RASGRP3: variants seen among roughly 807,000 people sequenced by gnomAD.
The protein encoded by RASGRP3 is ras guanyl-releasing protein 3.
Under a neutral mutation model 82.7 loss-of-function variants are expected in RASGRP3, and 54 were observed. The ratio of observed to expected loss-of-function variants is 0.65; its 90% CI spans 0.52 to 0.82. RASGRP3 has a LOEUF of 0.82. RASGRP3 is among the 40% of genes least tolerant of loss of function. The pLI is 0.00. For synonymous variants in RASGRP3, 309 were observed against 300.5 expected (o/e 1.03, Z -0.29); for missense variants, 861 against 828.9 (o/e 1.04, Z -0.48).
At chr2:33,488,814 C>T (rs1169249570) in intron 1 of RASGRP3, among the ~76,000 whole-genome samples, 2 of 152,170 alleles carry the variant, frequency 1.3e-5, no homozygotes, top group East Asian at 3.8e-4. Flanking sequence ...GTCTAAAAGA[C>T]ATGTTCATTC....
intron 1 of RASGRP3, among the ~76,000 whole-genome samples, chr2:33,488,481 A>C (rs1668583454): frequency 6.6e-6 from 1 of 152,246 alleles, no homozygotes; most frequent in Admixed American, 6.5e-5. Context: ...AATGGGACCA[A>C]GTAGCTGGGC....
At chr2:33,538,963 C>T (rs2151066990) in intron 11 of RASGRP3, 131 bp from the exon 12 acceptor site, 1 of 632,582 alleles carries the variant, frequency 1.6e-6, no homozygotes, top group African/African-American at 1.8e-5. Context: ...GGCTTGAGCC[C>T]AGGAGGCAGA....
chr2:33,549,471 G>C, intron 13 of RASGRP3, 133 bp from the exon 14 acceptor site: 1 of 836,862 alleles, frequency 1.2e-6, no homozygotes, highest in Non-Finnish European at 1.8e-6. Flanking sequence ...CCTTCTCTGA[G>C]ATGTAATAGA....
At position 33,558,721 on chromosome 2, in the gene RASGRP3, T is replaced by C; in HGVS notation, c.1755T>C (p.Asp585=). The C allele has an allele frequency of 1.2e-6, 2 of 1,613,632 alleles. No individual in the cohort carries two copies. Among genetic ancestry groups the C allele is most frequent in the South Asian group, 2.2e-5 (2 of 91,008 alleles). Residue 585 remains aspartate, a synonymous_variant, in exon 17 of 18, where the codon GAT becomes GAC. Transcript: ENST00000403687. ...CTGGAGTCACTGCTGGACACAGGGA[T>C]TTAGACAGCAGAGCCATCACACTGG... The part of the protein sequence containing the change: ...EFPGVTAGHR[D]LDSRAITLVT...
In RASGRP3 at chr2:33,497,399, C is replaced by T. The variant is rs189963696; in HGVS notation, c.-260-14311C>T. Among the ~76,000 whole-genome samples the T allele has an allele frequency of 1.9e-3, 289 of 152,288 alleles. 1 individual carries two copies. Among genetic ancestry groups the T allele is most frequent in the African/African-American group, 6.8e-3 (281 of 41,564 alleles). Reference sequence around the variant, plus strand: ...TTACCACAGAAGCTGATGAGGTTCTCTTTTTAATTTTAGTCCCAGCTTGGT... The same window carrying T: ...TTACCACAGAAGCTGATGAGGTTCTTTTTTTAATTTTAGTCCCAGCTTGGT... On this transcript the variant is annotated intron_variant, in intron 1 of 17. Transcript: ENST00000403687.
At chr2:33,562,334 C>T (rs556537232) in intron 17 of RASGRP3, among the ~76,000 whole-genome samples, 1 of 149,364 alleles carries the variant, frequency 6.7e-6, no homozygotes, top group South Asian at 2.1e-4. Context: ...GTGGTACAGT[C>T]ATAGCTCACC....
chr2:33,448,797 A>G (rs1017136210), intron 2 of RASGRP3, among the ~76,000 whole-genome samples: 1 of 152,202 alleles, frequency 6.6e-6, no homozygotes, highest in Non-Finnish European at 1.5e-5. Context: ...ACACGTAAAA[A>G]TGGTCAAAAT....
chr2:33,486,266 C>T (rs137861798), intron 1 of RASGRP3, among the ~76,000 whole-genome samples: 195 of 151,632 alleles, frequency 1.3e-3, no homozygotes, highest in African/African-American at 4.4e-3. Flanking sequence ...CTAGTTCAAG[C>T]GATTCTCCTG....
chr2:33,462,362 G>C (rs11887447), intron 2 of RASGRP3, among the ~76,000 whole-genome samples: 2 of 148,950 alleles, frequency 1.3e-5, no homozygotes, highest in Non-Finnish European at 3.0e-5. Flanking sequence ...AGAGGATGTA[G>C]AGGTTTTTTT....
At chr2:33,553,401 G>A (rs1675568259) in intron 14 of RASGRP3, among the ~76,000 whole-genome samples, 1 of 152,114 alleles carries the variant, frequency 6.6e-6, no homozygotes, top group Non-Finnish European at 1.5e-5. Flanking sequence ...TATGTATAAA[G>A]AGCCTAACTG....
At chr2:33,503,513 G>A (rs1670075331) in intron 1 of RASGRP3, among the ~76,000 whole-genome samples, 1 of 152,086 alleles carries the variant, frequency 6.6e-6, no homozygotes, top group Non-Finnish European at 1.5e-5. Flanking sequence ...GAATGACAAA[G>A]TTATTAAGTG....
intron 2 of RASGRP3, among the ~76,000 whole-genome samples, chr2:33,470,756 C>T (rs6714571): frequency 0.59 from 89,679 of 151,812 alleles, 27,124 homozygotes; most frequent in African/African-American, 0.63. Flanking sequence ...ATAATTGTTC[C>T]GTGGCCAGAA....
chr2:33,533,029 A>T (rs546395256), intron 10 of RASGRP3: 1 of 152,132 alleles, frequency 6.6e-6, no homozygotes, highest in South Asian at 2.1e-4. Flanking sequence ...CCTCATACAC[A>T]TGTTAGATAA....
At chr2:33,534,521 T>C in intron 11 of RASGRP3, 121 bp downstream of exon 11, 1 of 729,492 alleles carries the variant, frequency 1.4e-6, no homozygotes, top group South Asian at 1.9e-5. Context: ...ATTGACATTA[T>C]TCTTTCTTTT....
chr2:33,549,643 C>T lies in RASGRP3; in HGVS notation c.1434C>T (p.Phe478=), dbSNP rs752986319. The T allele has an allele frequency of 1.2e-6, 2 of 1,613,504 alleles. No homozygotes were observed. Among genetic ancestry groups the T allele is most frequent in the South Asian group, 2.2e-5 (2 of 90,980 alleles). ...GTAAAGATGAAATGATGGCTTACTTCCTGAGAGCTAAATCCCAACTACACT... is the reference window on the plus strand; with the variant it reads ...GTAAAGATGAAATGATGGCTTACTTTCTGAGAGCTAAATCCCAACTACACT... ...LISKDEMMAY[F]LRAKSQLHCK... Residue 478 remains phenylalanine, a synonymous_variant, in exon 14 of 18, where the codon TTC becomes TTT. Transcript: ENST00000403687.
intron 10 of RASGRP3, among the ~76,000 whole-genome samples, chr2:33,527,686 T>C (rs921721896): frequency 2.0e-5 from 3 of 152,240 alleles, no homozygotes; most frequent in Non-Finnish European, 4.4e-5. Context: ...TCCTCCAGAC[T>C]GTGCCTCAGC....
rs1196295087 is a variant in RASGRP3 at position 33,520,012 on chromosome 2, G to A, written c.234G>A (p.Met78Ile). ...TTCGATTAAAGATCTGCTACTTCATGAGGTAAATATATTTACAAATTTAAT... is the reference window on the plus strand; with the variant it reads ...TTCGATTAAAGATCTGCTACTTCATAAGGTAAATATATTTACAAATTTAAT... Reference protein sequence around the residue: ...NEFRLKICYFMRYWILKFPAE... With the variant: ...NEFRLKICYFIRYWILKFPAE... The change falls in exon 5 of 18, where the codon ATG becomes ATA. Residue 78 changes from methionine (M) to isoleucine (I), a missense_variant and splice_region_variant. By Grantham distance (10) the Met-to-Ile change is conservative. Coordinates refer to ENST00000403687, the MANE Select transcript of RASGRP3 (RefSeq NM_001139488.2). The A allele has an allele frequency of 6.3e-7, 1 of 1,598,154 alleles. No homozygotes were observed. Among genetic ancestry groups the A allele is most frequent in the East Asian group, 2.2e-5 (1 of 44,556 alleles).
At chr2:33,457,166 G>A (rs1447160236) in intron 2 of RASGRP3, among the ~76,000 whole-genome samples, 5 of 151,906 alleles carry the variant, frequency 3.3e-5, no homozygotes, top group South Asian at 2.1e-4. Context: ...CCGCCATGCC[G>A]GACCGCTAAG....
At chr2:33,491,881 A>G (rs1668875514) in intron 1 of RASGRP3, among the ~76,000 whole-genome samples, 1 of 152,208 alleles carries the variant, frequency 6.6e-6, no homozygotes, top group Non-Finnish European at 1.5e-5. Flanking sequence ...GGCACAATGG[A>G]CTTTCTGGCA....
Sources: gnomAD v4.1 joint callset for allele counts (sites outside exome capture counted in the v4.1 genomes callset) on GRCh38, gnomAD v4.1.1 for gene constraint, MANE v1.5 for transcripts, NCBI Gene and HGNC (gene_info 2026-07-23, HGNC 2026-07-21) for gene names.